GSTO2: variants seen among roughly 807,000 people sequenced by gnomAD.
GSTO2 encodes the protein glutathione S-transferase omega-2.
Under a neutral mutation model 28.4 loss-of-function variants are expected in GSTO2, and 23 were observed. The observed-to-expected ratio is 0.81, with a 90% confidence interval of 0.58 to 1.15. GSTO2 has a LOEUF of 1.15. Ranked by LOEUF, GSTO2 falls within the 50% of genes most tolerant of loss-of-function variation. The pLI, the probability that GSTO2 is intolerant of heterozygous loss-of-function variation, is 0.00. For missense variants in GSTO2, 298 were observed against 297.8 expected, an observed-to-expected ratio of 1.00 and a Z score of 0.00; for synonymous variants, 109 against 111.0, an observed-to-expected ratio of 0.98 and a Z score of 0.11.
At position 104,278,136 on chromosome 10, in the gene GSTO2, T is replaced by G. The variant is rs157077; in HGVS notation, c.366+20T>G. The G allele has an allele frequency of 6.3e-7, 1 of 1,583,252 alleles. No individual in the cohort carries two copies. Among genetic ancestry groups the G allele is most frequent in the Non-Finnish European group, 8.7e-7 (1 of 1,154,372 alleles). On this transcript the variant is annotated intron_variant, in intron 4 of 6. Transcript: ENST00000338595. ...TGTAAGGTATATTCAATTTAAAAAGTCACTCACACTGTATTTTACTTTGCA... is the reference window on the plus strand; with the variant it reads ...TGTAAGGTATATTCAATTTAAAAAGGCACTCACACTGTATTTTACTTTGCA...
rs1384399853 is a variant in GSTO2, at chr10:104,269,186, C to T, written c.-315C>T. 6.6e-6 allele frequency: 1 copy of T among 152,630 alleles called. No homozygotes were observed. Among genetic ancestry groups the T allele is most frequent in the African/African-American group, 2.4e-5 (1 of 41,590 alleles). The allele number at this position is 152,630 out of a possible 1,614,324, so 9.5% of individuals were successfully genotyped here. ...GGCAGGCCCCGTCTAGGCCCCGCCTCCTTGCTGCTGCTGCCGCCGCCAATC... is the reference window on the plus strand; with the variant it reads ...GGCAGGCCCCGTCTAGGCCCCGCCTTCTTGCTGCTGCTGCCGCCGCCAATC... On this transcript the variant is annotated 5_prime_UTR_variant, in exon 1 of 7. Coordinates refer to ENST00000338595, the MANE Select transcript of GSTO2 (RefSeq NM_183239.2).
In GSTO2 at chr10:104,274,808, C is replaced by T; in HGVS notation, c.-108C>T. The T allele has an allele frequency of 1.5e-6, 2 of 1,360,052 alleles. No individual in the cohort carries two copies. Among genetic ancestry groups the T allele is most frequent in the Non-Finnish European group, 2.0e-6 (2 of 975,994 alleles). The allele number at this position is 1,360,052 out of a possible 1,614,324, so 84.2% of individuals were successfully genotyped here. ...AGTAGTTCAAAAATTAAATTTGGGG[C>T]AAGGGGTGCGCGCCAGAGCGCAGCT... On this transcript the variant is annotated 5_prime_UTR_variant, in exon 2 of 7. Transcript: ENST00000338595.
chr10:104,288,764 A>G (rs1190112920), intron 5 of GSTO2, among the ~76,000 whole-genome samples: 1 of 152,178 alleles, frequency 6.6e-6, no homozygotes, highest in Non-Finnish European at 1.5e-5. Flanking sequence ...GATTTGTAAA[A>G]GTTCCTTTTA....
intron 5 of GSTO2, among the ~76,000 whole-genome samples, chr10:104,286,344 T>C (rs1338671037): frequency 4.6e-5 from 7 of 152,234 alleles, no homozygotes. Context: ...TTCATATAAG[T>C]GGAATCATAC....
chr10:104,281,094 G>C lies in GSTO2; in HGVS notation c.468+1623G>C, dbSNP rs559740143. Among the ~76,000 whole-genome samples the C allele has an allele frequency of 9.0e-4, 137 of 152,260 alleles. 7 individuals are homozygous for C. The South Asian group carries it at 0.027, about 30-fold the overall frequency. On this transcript the variant is annotated intron_variant, in intron 5 of 6. Transcript: ENST00000338595. ...TTGGTTTTCCCATGTGTAAAATGAGGGATTATTTTGAAATGTGTGTTCCTC... is the reference window on the plus strand; with the variant it reads ...TTGGTTTTCCCATGTGTAAAATGAGCGATTATTTTGAAATGTGTGTTCCTC...
chr10:104,274,762 C>T lies in GSTO2; in HGVS notation c.-154C>T. 1.1e-6 allele frequency: 1 copy of T among 889,558 alleles called. No homozygotes were observed. Among genetic ancestry groups the T allele is most frequent in the Non-Finnish European group, 1.8e-6 (1 of 567,946 alleles). 55.1% of individuals were successfully genotyped at this position (889,558 alleles called of 1,614,324 possible). A position where few individuals can be genotyped will look rare whatever the true frequency, so the allele number is the denominator to read the frequency against. ...CCCTAGCTCCTGCTCCAGATCGCTTCCCCGTGCCCCGCCAGAGCCCAGTAG... is the reference window on the plus strand; with the variant it reads ...CCCTAGCTCCTGCTCCAGATCGCTTTCCCGTGCCCCGCCAGAGCCCAGTAG... On this transcript the variant is annotated 5_prime_UTR_variant, in exon 2 of 7. Transcript: ENST00000338595.
intron 5 of GSTO2, among the ~76,000 whole-genome samples, chr10:104,290,918 G>A (rs2012734903): frequency 6.6e-6 from 1 of 152,144 alleles, no homozygotes; most frequent in South Asian, 2.1e-4. Context: ...GTAATTGAAA[G>A]GATAAATGCT....
chr10:104,284,018 G>GTT (rs202161194), intron 5 of GSTO2, among the ~76,000 whole-genome samples: 13 of 133,588 alleles, frequency 9.7e-5, no homozygotes, highest in African/African-American at 1.3e-4. Context: ...AACTTTTTAA[G>GTT]TTTTTTTTTT....
chr10:104,290,055 A>G (rs533654484), intron 5 of GSTO2, among the ~76,000 whole-genome samples: 3 of 152,254 alleles, frequency 2.0e-5, no homozygotes, highest in African/African-American at 7.2e-5. Context: ...TTGAGCTACC[A>G]TATGATCCAG....
At chr10:104,287,886 AC>A (rs1454734718) in intron 5 of GSTO2, among the ~76,000 whole-genome samples, 2 of 124,578 alleles carry the variant, frequency 1.6e-5, no homozygotes, top group Admixed American at 1.6e-4. Context: ...AGAAAAAAAC[AC>A]TTTTTTTTTT....
rs143550827 is a variant in GSTO2 at position 104,279,000 on chromosome 10, C to G, written c.367-370C>G. Among the ~76,000 whole-genome samples, 12 of 152,280 alleles carry G rather than the reference C, an allele frequency of 7.9e-5. No individual in the cohort carries two copies. In the East Asian group the frequency reaches 2.3e-3, roughly 29 times the overall value. On this transcript the variant is annotated intron_variant, in intron 4 of 6. Coordinates refer to ENST00000338595, the MANE Select transcript of GSTO2 (RefSeq NM_183239.2). ...GTCCTAGTTACTTTGTAGGAGCTAA[C>G]TCATTTAATCCAACTGCCCTTTGAA...
rs1235985472 is a variant in GSTO2 at position 104,301,217 on chromosome 10, C to T, written c.*1933C>T. 1 of 152,220 alleles carries T rather than the reference C, an allele frequency of 6.6e-6. No individual in the cohort carries two copies. The highest frequency in any genetic ancestry group is 1.5e-5 in the Non-Finnish European group (1 of 68,042). 9.4% of individuals were successfully genotyped at this position (152,220 alleles called of 1,614,324 possible). ...ATGCTAGTGAGTGCTTGTCATAAGA[C>T]CAAAGTTACCACTGATGCAACAGGA... On this transcript the variant is annotated 3_prime_UTR_variant, in exon 7 of 7. Transcript: ENST00000338595.
At chr10:104,285,599 G>A (rs2012376779) in intron 5 of GSTO2, among the ~76,000 whole-genome samples, 1 of 152,044 alleles carries the variant, frequency 6.6e-6, no homozygotes, top group Non-Finnish European at 1.5e-5. Flanking sequence ...ACAGGTTCAG[G>A]CCACCATGCC....
intron 5 of GSTO2, among the ~76,000 whole-genome samples, chr10:104,290,311 G>T (rs1001797734): frequency 6.6e-6 from 1 of 152,122 alleles, no homozygotes; most frequent in African/African-American, 2.4e-5. Context: ...TTCGAGACCA[G>T]CCTGGCCAAC....
In GSTO2 at chr10:104,275,325, A is replaced by G. The variant is rs754528243; in HGVS notation, c.134A>G (p.Lys45Arg). The G allele has an allele frequency of 1.2e-6, 2 of 1,613,872 alleles. No individual in the cohort carries two copies. The highest frequency in any genetic ancestry group is 1.1e-5 in the South Asian group (1 of 91,072). ...SHRTRLVLKA[K>R]DIRHEVVNIN... ...AGGACCCGCCTCGTCCTCAAGGCCA[A>G]AGACATCAGGTGAGAAGCGGGAACC... The change falls in exon 3 of 7, where the codon AAA (lysine) becomes AGA (arginine). Residue 45 changes from lysine (K) to arginine (R), a missense_variant. Physicochemically the swap from Lys to Arg is conservative, Grantham distance 26. Coordinates refer to ENST00000338595, the MANE Select transcript of GSTO2 (RefSeq NM_183239.2).
chr10:104,277,293 A>G (rs72825844), intron 3 of GSTO2, among the ~76,000 whole-genome samples: 3,589 of 145,584 alleles, frequency 0.025, 63 homozygotes, highest in African/African-American at 0.046. Context: ...TGGCTCTACT[A>G]CTTTTTTTTT....
At chr10:104,278,473 G>A (rs953950978) in intron 4 of GSTO2, among the ~76,000 whole-genome samples, 1 of 152,204 alleles carries the variant, frequency 6.6e-6, no homozygotes, top group African/African-American at 2.4e-5. Context: ...TGCATAGAAG[G>A]TGATGCTTTT....
chr10:104,275,157 A>T, intron 2 of GSTO2, 69 bp from the exon 3 acceptor site: 1 of 1,544,376 alleles, frequency 6.5e-7, no homozygotes, highest in Non-Finnish European at 8.7e-7. Flanking sequence ...TGGGCAAGTG[A>T]GCGAGCTCCT....
intron 5 of GSTO2, chr10:104,295,525 T>C (rs1184057082): frequency 6.6e-6 from 1 of 152,234 alleles, no homozygotes; most frequent in African/African-American, 2.4e-5. Context: ...CAGGAGCTCA[T>C]ATTTACTCAG....
Sources: gnomAD v4.1 joint callset for allele counts (sites outside exome capture counted in the v4.1 genomes callset) on GRCh38, gnomAD v4.1.1 for gene constraint, MANE v1.5 for transcripts, NCBI Gene and HGNC (gene_info 2026-07-23, HGNC 2026-07-21) for gene names.